Variants in EGFR observed in about 807,000 individuals in gnomAD.
EGFR encodes the protein epidermal growth factor receptor, also known as avian erythroblastic leukemia viral (v-erb-b) oncogene homolog.
A neutral mutation model predicts 143.0 loss-of-function variants in EGFR; 58 were observed. That is an observed-to-expected ratio of 0.41 (90% CI 0.33 to 0.50). The LOEUF (loss-of-function observed/expected upper bound fraction) is 0.50. Ranked by LOEUF, EGFR falls within the 20% of genes least tolerant of loss-of-function variation. EGFR has a pLI of 0.39. For missense variants in EGFR, 1,307 were observed against 1,579.0 expected, an observed-to-expected ratio of 0.83 and a Z score of 2.92; for synonymous variants, 613 against 594.4, an observed-to-expected ratio of 1.03 and a Z score of -0.45.
intron 1 of EGFR, among the ~76,000 whole-genome samples, chr7:55,062,033 G>A (rs1426729946): frequency 6.6e-6 from 1 of 152,148 alleles, no homozygotes; most frequent in Non-Finnish European, 1.5e-5. Context: ...GGAAATTTGG[G>A]ACCCTGGAGC....
chr7:55,200,387 G>A lies in EGFR; in HGVS notation c.2920G>A (p.Asp974Asn), dbSNP rs1486130926. ...CATCGAATTCTCCAAAATGGCCCGA[G>A]ACCCCCAGCGCTACCTTGTCATTCA... ...LIIEFSKMAR[D>N]PQRYLVIQGD... The change falls in exon 24 of 28, where the codon GAC becomes AAC. Residue 974 changes from aspartate (D) to asparagine (N), a missense_variant. Transcript: ENST00000275493. The A allele has an allele frequency of 1.9e-6, 3 of 1,614,000 alleles. No individual in the cohort carries two copies. Among genetic ancestry groups the A allele is most frequent in the Non-Finnish European group, 2.5e-6 (3 of 1,180,044 alleles).
chr7:55,113,105 G>A (rs1259349262), intron 1 of EGFR, among the ~76,000 whole-genome samples: 3 of 152,180 alleles, frequency 2.0e-5, no homozygotes, highest in Non-Finnish European at 4.4e-5. Flanking sequence ...TGCCAGGGGA[G>A]CAGCGATTCC....
At chr7:55,046,298 T>C (rs1036632620) in intron 1 of EGFR, among the ~76,000 whole-genome samples, 5 of 152,210 alleles carry the variant, frequency 3.3e-5, no homozygotes, top group Non-Finnish European at 7.3e-5. Context: ...CATTAGTAGA[T>C]TGAAAAGAAT....
intron 1 of EGFR, among the ~76,000 whole-genome samples, chr7:55,120,816 C>A (rs1205344160): frequency 6.6e-6 from 1 of 152,174 alleles, no homozygotes; most frequent in African/African-American, 2.4e-5. Flanking sequence ...GGTTACAGCA[C>A]CTACAGTTAT....
intron 19 of EGFR, among the ~76,000 whole-genome samples, chr7:55,179,044 G>A (rs1487630192): frequency 2.6e-5 from 4 of 152,196 alleles, no homozygotes; most frequent in African/African-American, 4.8e-5. Context: ...CAACAGATAC[G>A]GGGCGGAGAC....
intron 1 of EGFR, among the ~76,000 whole-genome samples, chr7:55,039,217 C>T (rs537412767): frequency 8.5e-5 from 13 of 152,272 alleles, no homozygotes; most frequent in Admixed American, 2.0e-4. Context: ...CCTTGCTCAA[C>T]GTATTTTACT....
intron 1 of EGFR, among the ~76,000 whole-genome samples, chr7:55,033,464 G>A (rs969920051): frequency 3.3e-5 from 5 of 152,192 alleles, no homozygotes; most frequent in Non-Finnish European, 7.3e-5. Flanking sequence ...GCTGAGCAAT[G>A]CCTGTGGGTG....
chr7:55,151,039 T>A (rs974742809), intron 4 of EGFR, among the ~76,000 whole-genome samples: 6 of 152,250 alleles, frequency 3.9e-5, no homozygotes, highest in Non-Finnish European at 8.8e-5. Flanking sequence ...AAATTCTTGC[T>A]TATGTGGCCC....
intron 1 of EGFR, among the ~76,000 whole-genome samples, chr7:55,065,812 TAGTA>T (rs1283826748): frequency 4.0e-5 from 6 of 150,002 alleles, no homozygotes; most frequent in Admixed American, 2.0e-4. Flanking sequence ...GGGGACAACA[TAGTA>T]AGTGACTAAG....
chr7:55,132,639 C>T (rs919310771), intron 1 of EGFR, among the ~76,000 whole-genome samples: 1 of 151,958 alleles, frequency 6.6e-6, no homozygotes, highest in Non-Finnish European at 1.5e-5. Flanking sequence ...TTGGTGCTTT[C>T]GTCCCAGTTC....
chr7:55,040,206 T>A (rs1354309839), intron 1 of EGFR, among the ~76,000 whole-genome samples: 2 of 152,070 alleles, frequency 1.3e-5, no homozygotes, highest in Non-Finnish European at 2.9e-5. Flanking sequence ...AGAAGGAGGA[T>A]CCCCCACCCG....
chr7:55,144,210 C>A (rs557796159), intron 3 of EGFR, among the ~76,000 whole-genome samples: 3 of 152,286 alleles, frequency 2.0e-5, no homozygotes, highest in Admixed American at 2.0e-4. Flanking sequence ...GGCTGGACCC[C>A]GCCGAGGGTG....
intron 1 of EGFR, among the ~76,000 whole-genome samples, chr7:55,094,065 T>C (rs560784666): frequency 2.6e-5 from 4 of 152,190 alleles, no homozygotes; most frequent in Non-Finnish European, 5.9e-5. Flanking sequence ...TACACAGCTG[T>C]GTACTGCCTC....
intron 1 of EGFR, among the ~76,000 whole-genome samples, chr7:55,104,807 T>A (rs1467300317): frequency 6.6e-6 from 1 of 152,246 alleles, no homozygotes; most frequent in Non-Finnish European, 1.5e-5. Flanking sequence ...ACATTTTTTC[T>A]GTTGTTTTAC....
intron 25 of EGFR, 86 bp from the exon 26 acceptor site, chr7:55,201,649 C>T (rs2128972346): frequency 6.6e-7 from 1 of 1,514,144 alleles, no homozygotes; most frequent in Non-Finnish European, 9.2e-7. Flanking sequence ...AATATACCCT[C>T]CATGAGGCAC....
intron 1 of EGFR, among the ~76,000 whole-genome samples, chr7:55,092,574 A>G (rs918432739): frequency 6.6e-6 from 1 of 152,184 alleles, no homozygotes; most frequent in African/African-American, 2.4e-5. Context: ...CCTCTTTTCT[A>G]TATTTATTAC....
chr7:55,156,441 G>A (rs2128937944), intron 8 of EGFR, 92 bp from the exon 9 acceptor site: 3 of 1,580,276 alleles, frequency 1.9e-6, no homozygotes, highest in South Asian at 2.2e-5. Context: ...CCGGTGACCG[G>A]AATTCCTTCC....
chr7:55,114,744 G>A (rs1050332015), intron 1 of EGFR, among the ~76,000 whole-genome samples: 1 of 151,828 alleles, frequency 6.6e-6, no homozygotes, highest in African/African-American at 2.4e-5. Flanking sequence ...ATTAATCAAT[G>A]TGTTTATGTT....
intron 1 of EGFR, among the ~76,000 whole-genome samples, chr7:55,084,858 A>G (rs892171087): frequency 6.6e-6 from 1 of 152,132 alleles, no homozygotes; most frequent in African/African-American, 2.4e-5. Context: ...GCTCTTAGCC[A>G]TTCATTCCAG....
Sources: allele counts gnomAD v4.1 joint callset (sites outside exome capture counted in the v4.1 genomes callset), GRCh38; gene constraint gnomAD v4.1.1; transcripts MANE v1.5; gene names NCBI Gene and HGNC (gene_info 2026-07-23, HGNC 2026-07-21).